The following ATXN7L1 variants were observed in gnomAD, a reference collection of about 807,000 sequenced individuals.
ATXN7L1 encodes the protein ataxin-7-like protein 1.
Under a neutral mutation model 70.8 loss-of-function variants are expected in ATXN7L1, and 15 were observed. The ratio of observed to expected loss-of-function variants is 0.21; its 90% CI spans 0.14 to 0.33. The LOEUF (loss-of-function observed/expected upper bound fraction) is 0.33. ATXN7L1 is among the 10% of genes least tolerant of loss of function. The pLI, the probability that ATXN7L1 is intolerant of heterozygous loss-of-function variation, is 1.00. For synonymous variants in ATXN7L1, 440 were observed against 445.1 expected (o/e 0.99, Z 0.14); for missense variants, 975 against 1,097.1 (o/e 0.89, Z 1.57).
chr7:105,680,756 C>A (rs548942196), intron 3 of ATXN7L1, among the ~76,000 whole-genome samples: 17 of 152,220 alleles, frequency 1.1e-4, no homozygotes, highest in Non-Finnish European at 1.8e-4. Context: ...AGAAGAAACA[C>A]AGATGAAAGG....
At chr7:105,772,155 C>A (rs1584966372) in intron 3 of ATXN7L1, among the ~76,000 whole-genome samples, 2 of 143,066 alleles carry the variant, frequency 1.4e-5, no homozygotes, top group East Asian at 2.1e-4. Flanking sequence ...CTTACTGCAA[C>A]CTCTGCCTCC....
At chr7:105,808,839 C>A (rs1342423274) in intron 2 of ATXN7L1, among the ~76,000 whole-genome samples, 8 of 152,364 alleles carry the variant, frequency 5.3e-5, no homozygotes, top group Non-Finnish European at 7.3e-5. Flanking sequence ...TTCCGTAGTT[C>A]TAACTAAGCT....
chr7:105,662,438 GGACTT>G (rs1362803449), intron 4 of ATXN7L1, among the ~76,000 whole-genome samples: 4 of 152,158 alleles, frequency 2.6e-5, no homozygotes, highest in African/African-American at 9.7e-5. Flanking sequence ...TAGCTGAAGG[GGACTT>G]GACTGTGGCA....
intron 2 of ATXN7L1, among the ~76,000 whole-genome samples, chr7:105,857,237 T>A (rs1011788512): frequency 2.0e-5 from 3 of 152,176 alleles, no homozygotes; most frequent in African/African-American, 7.2e-5. Flanking sequence ...CTGTGGCCCA[T>A]GTAAAACCAC....
chr7:105,663,684 C>T (rs1319273625), intron 4 of ATXN7L1, among the ~76,000 whole-genome samples: 1 of 152,162 alleles, frequency 6.6e-6, no homozygotes, highest in Non-Finnish European at 1.5e-5. Flanking sequence ...AGTTTGGTTT[C>T]CTAGCTGTCT....
intron 3 of ATXN7L1, among the ~76,000 whole-genome samples, chr7:105,668,384 C>T (rs1802980929): frequency 6.6e-6 from 1 of 152,122 alleles, no homozygotes; most frequent in Admixed American, 6.6e-5. Flanking sequence ...CAGGCATGTG[C>T]CACCATACCC....
chr7:105,607,881 T>C lies in ATXN7L1; in HGVS notation c.2557A>G (p.Arg853Gly). The change falls in exon 12 of 12, where the codon AGA becomes GGA. Residue 853 changes from arginine (R) to glycine (G), a missense_variant. By Grantham distance (125) the Arg-to-Gly change is moderately radical. Transcript: ENST00000419735. ...GGAAGAGTCCTTATCCTGCCCGTTCTGTTTGTGTTCTTCTAGGAAAGAAAA... is the reference window on the plus strand; with the variant it reads ...GGAAGAGTCCTTATCCTGCCCGTTCCGTTTGTGTTCTTCTAGGAAAGAAAA... ...SPGHSRQNTN[R>G]TGRIRTLP 1.9e-6 allele frequency: 3 copies of C among 1,552,126 alleles called. No homozygotes were observed. Among genetic ancestry groups the C allele is most frequent in the Non-Finnish European group, 2.6e-6 (3 of 1,147,034 alleles).
chr7:105,819,470 C>A, intron 2 of ATXN7L1: 6 of 711,642 alleles, frequency 8.4e-6, no homozygotes, highest in Non-Finnish European at 7.5e-6. Context: ...AAAGAGTGTC[C>A]TTTCCCAGGG....
chr7:105,825,367 CT>C (rs1810721889), intron 2 of ATXN7L1, among the ~76,000 whole-genome samples: 1 of 151,960 alleles, frequency 6.6e-6, no homozygotes, highest in Admixed American at 6.6e-5. Flanking sequence ...GCACAGTAGG[CT>C]GAGGGGCTAA....
At chr7:105,747,174 C>T (rs1420314660) in intron 3 of ATXN7L1, among the ~76,000 whole-genome samples, 2 of 152,144 alleles carry the variant, frequency 1.3e-5, no homozygotes, top group African/African-American at 4.8e-5. Context: ...GGGCTGTTCA[C>T]CAGAAAGACC....
intron 5 of ATXN7L1, 68 bp from the exon 6 acceptor site, chr7:105,639,637 CA>C: frequency 8.7e-7 from 1 of 1,150,262 alleles, no homozygotes; most frequent in Non-Finnish European, 1.2e-6. Flanking sequence ...ATTAAGACTA[CA>C]TTTTTTAAAA....
chr7:105,612,386 C>A (rs546991852), intron 10 of ATXN7L1, among the ~76,000 whole-genome samples: 1 of 152,330 alleles, frequency 6.6e-6, no homozygotes, highest in Admixed American at 6.5e-5. Context: ...GAGTGAGATA[C>A]CACGGCCTTG....
At chr7:105,778,710 T>C (rs1268559817) in intron 3 of ATXN7L1, among the ~76,000 whole-genome samples, 3 of 152,198 alleles carry the variant, frequency 2.0e-5, no homozygotes, top group African/African-American at 4.8e-5. Context: ...GTGAGTCTCA[T>C]GGATCTGCTC....
At chr7:105,690,694 A>G (rs1563007418) in intron 3 of ATXN7L1, among the ~76,000 whole-genome samples, 1 of 152,200 alleles carries the variant, frequency 6.6e-6, no homozygotes, top group Non-Finnish European at 1.5e-5. Context: ...TGAACGCGCT[A>G]CTTACTCATG....
chr7:105,618,202 C>G (rs1168840306), intron 9 of ATXN7L1: 1 of 378,666 alleles, frequency 2.6e-6, no homozygotes, highest in Non-Finnish European at 5.3e-6. Flanking sequence ...TTCCATAACA[C>G]AGGGAGCAAA....
intron 3 of ATXN7L1, among the ~76,000 whole-genome samples, chr7:105,690,529 A>C (rs1443387446): frequency 1.3e-5 from 2 of 152,184 alleles, no homozygotes; most frequent in Middle Eastern, 3.2e-3. Context: ...CCCGCTCCTC[A>C]GAAGGCCTTC....
chr7:105,758,379 A>T (rs1800072319), intron 3 of ATXN7L1, among the ~76,000 whole-genome samples: 1 of 152,220 alleles, frequency 6.6e-6, no homozygotes, highest in African/African-American at 2.4e-5. Flanking sequence ...ACATGAGAAG[A>T]TTTACACTCA....
At chr7:105,831,564 T>C (rs1811600966) in intron 2 of ATXN7L1, among the ~76,000 whole-genome samples, 1 of 152,220 alleles carries the variant, frequency 6.6e-6, no homozygotes, top group Non-Finnish European at 1.5e-5. Flanking sequence ...AAACTATGTC[T>C]ATCTCTACTC....
intron 3 of ATXN7L1, among the ~76,000 whole-genome samples, chr7:105,666,162 A>G (rs1802583067): frequency 6.6e-6 from 1 of 152,072 alleles, no homozygotes; most frequent in South Asian, 2.1e-4. Flanking sequence ...AAATTTAAGA[A>G]CCCAGCAAAA....
Sources: gnomAD v4.1 joint callset for allele counts (sites outside exome capture counted in the v4.1 genomes callset) on GRCh38, gnomAD v4.1.1 for gene constraint, MANE v1.5 for transcripts, NCBI Gene and HGNC (gene_info 2026-07-23, HGNC 2026-07-21) for gene names.